Variants in CNKSR3 observed in about 807,000 individuals in gnomAD.
CNKSR3 encodes the protein connector enhancer of kinase suppressor of ras 3.
CNKSR3 carries 36 observed loss-of-function variants against 67.7 expected under a neutral mutation model. The ratio of observed to expected loss-of-function variants is 0.53; its 90% confidence interval spans 0.41 to 0.70. The LOEUF (loss-of-function observed/expected upper bound fraction) is 0.70. Ranked by LOEUF, CNKSR3 falls within the 30% of genes least tolerant of loss-of-function variation. The pLI is 0.00. For missense variants in CNKSR3, 630 were observed against 695.2 expected (o/e 0.91, Z 1.05); for synonymous variants, 281 against 271.4 (o/e 1.04, Z -0.35).
At chr6:154,407,880 A>AAAC (rs1257390031) in intron 12 of CNKSR3, among the ~76,000 whole-genome samples, 1 of 150,834 alleles carries the variant, frequency 6.6e-6, no homozygotes, top group Non-Finnish European at 1.5e-5. Flanking sequence ...TTGAAAAAAA[A>AAAC]AAAAAAAAAA....
At chr6:154,456,124 A>G (rs1023256448) in intron 1 of CNKSR3, among the ~76,000 whole-genome samples, 2 of 152,206 alleles carry the variant, frequency 1.3e-5, no homozygotes, top group African/African-American at 4.8e-5. Flanking sequence ...TGACCACTTT[A>G]GTGGAAAGTG....
At chr6:154,443,143 C>T (rs1785638067) in intron 2 of CNKSR3, among the ~76,000 whole-genome samples, 1 of 147,484 alleles carries the variant, frequency 6.8e-6, no homozygotes, top group Admixed American at 6.6e-5. Flanking sequence ...GGCACAATGC[C>T]CCCCTCGGCC....
rs1785165118 is a variant in CNKSR3 at position 154,422,477 on chromosome 6, G to A, written c.945+29C>T. 4 of 1,604,670 alleles carry A rather than the reference G, an allele frequency of 2.5e-6. No homozygotes were observed. The East Asian group carries it at 6.7e-5, about 27-fold the overall frequency. ...ACTAATGAGATACTCAACATTGTTGGATGGAGGTTTACAGTTAATCCCAGA... is the reference window on the plus strand; with the variant it reads ...ACTAATGAGATACTCAACATTGTTGAATGGAGGTTTACAGTTAATCCCAGA... On this transcript the variant is annotated intron_variant, in intron 9 of 12. Coordinates refer to ENST00000607772, the MANE Select transcript of CNKSR3 (RefSeq NM_173515.4).
chr6:154,450,322 T>C, intron 1 of CNKSR3, 64 bp from the exon 2 acceptor site: 2 of 1,488,060 alleles, frequency 1.3e-6, no homozygotes, highest in Non-Finnish European at 1.9e-6. Context: ...CCCTGCAAAC[T>C]GCCCACATGT....
At chr6:154,410,276 T>C (rs1584050840) in intron 12 of CNKSR3, 67 bp downstream of exon 12, 3 of 1,123,596 alleles carry the variant, frequency 2.7e-6, no homozygotes, top group Non-Finnish European at 4.0e-6. Flanking sequence ...GAAACAGAGG[T>C]GAAACCAGGC....
At chr6:154,451,847 T>C (rs1202688917) in intron 1 of CNKSR3, among the ~76,000 whole-genome samples, 1 of 152,226 alleles carries the variant, frequency 6.6e-6, no homozygotes, top group Non-Finnish European at 1.5e-5. Context: ...TGAAATGACA[T>C]CTGTCTAGCC....
intron 1 of CNKSR3, among the ~76,000 whole-genome samples, chr6:154,482,596 G>T (rs1562353078): frequency 6.6e-6 from 1 of 152,162 alleles, no homozygotes; most frequent in Non-Finnish European, 1.5e-5. Context: ...AAACTGTGCA[G>T]AAATCCATTT....
intron 1 of CNKSR3, chr6:154,478,321 C>T (rs1283490533): frequency 1.3e-5 from 2 of 152,774 alleles, no homozygotes; most frequent in Admixed American, 6.5e-5. Context: ...ACAGCATCAC[C>T]CACACACCTA....
chr6:154,492,609 G>A (rs1348328855), intron 1 of CNKSR3, among the ~76,000 whole-genome samples: 1 of 152,024 alleles, frequency 6.6e-6, no homozygotes, highest in East Asian at 1.9e-4. Context: ...AGCCTGGCGT[G>A]ATGATGCATA....
At chr6:154,477,227 A>G (rs1786470315) in intron 1 of CNKSR3, among the ~76,000 whole-genome samples, 1 of 152,214 alleles carries the variant, frequency 6.6e-6, no homozygotes, top group African/African-American at 2.4e-5. Flanking sequence ...GTAACATTAT[A>G]ACATCATGGC....
chr6:154,504,907 G>A (rs189278221), intron 1 of CNKSR3, among the ~76,000 whole-genome samples: 22 of 151,746 alleles, frequency 1.4e-4, no homozygotes, highest in African/African-American at 4.1e-4. Flanking sequence ...TTAGAACAGC[G>A]TCTGCCAAGA....
At chr6:154,506,239 AAAAG>A (rs1438879619) in intron 1 of CNKSR3, among the ~76,000 whole-genome samples, 1 of 152,214 alleles carries the variant, frequency 6.6e-6, no homozygotes, top group Non-Finnish European at 1.5e-5. Flanking sequence ...AACTTAAAAA[AAAAG>A]AAAGGAAGGG....
At chr6:154,506,838 T>C (rs1303495648) in intron 1 of CNKSR3, among the ~76,000 whole-genome samples, 2 of 152,236 alleles carry the variant, frequency 1.3e-5, no homozygotes, top group East Asian at 1.9e-4. Context: ...GAACTAAAGA[T>C]AGAGAATAAC....
Position 154,510,289 on chromosome 6 carries a change from G to T in CNKSR3, c.-175C>A, listed in dbSNP as rs1787189902. The T allele has an allele frequency of 1.6e-6, 1 of 644,188 alleles. No homozygotes were observed. Among genetic ancestry groups the T allele is most frequent in the African/African-American group, 1.9e-5 (1 of 53,250 alleles). The allele number at this position is 644,188 out of a possible 1,614,324, so 39.9% of individuals were successfully genotyped here. ...GTCGTCCCAGCGCGGCTCCGCCAGG[G>T]GAGCCCGGCCCTCTCCCTCCAGCTG... On this transcript the variant is annotated 5_prime_UTR_variant, in exon 1 of 13. Transcript: ENST00000607772.
intron 1 of CNKSR3, among the ~76,000 whole-genome samples, chr6:154,465,372 C>T (rs922565556): frequency 6.6e-6 from 1 of 152,036 alleles, no homozygotes; most frequent in Non-Finnish European, 1.5e-5. Context: ...TAAAATTACA[C>T]GTATAATTAC....
chr6:154,414,845 C>A, intron 9 of CNKSR3: 2 of 468,726 alleles, frequency 4.3e-6, no homozygotes, highest in South Asian at 3.1e-5. Context: ...GTTACCCCAG[C>A]ACTTTGGGAG....
At position 154,396,979 on chromosome 6, in the gene CNKSR3, T is replaced by C. The variant is rs995937507; in HGVS notation, c.*9375A>G. Reference sequence around the variant, plus strand: ...CACGCCCGGCTAATTTTTTTTTTTTTATATTTTTAGTAGAGACGGGGTTTC... The same window carrying C: ...CACGCCCGGCTAATTTTTTTTTTTTCATATTTTTAGTAGAGACGGGGTTTC... On this transcript the variant is annotated 3_prime_UTR_variant, in exon 13 of 13. Transcript: ENST00000607772. The C allele has an allele frequency of 1.4e-5, 2 of 140,138 alleles. No individual in the cohort carries two copies. Among genetic ancestry groups the C allele is most frequent in the African/African-American group, 5.6e-5 (2 of 35,882 alleles). The allele number at this position is 140,138 out of a possible 1,614,324, so 8.7% of individuals were successfully genotyped here.
chr6:154,462,389 C>T (rs1786099569), intron 1 of CNKSR3, among the ~76,000 whole-genome samples: 1 of 152,198 alleles, frequency 6.6e-6, no homozygotes, highest in South Asian at 2.1e-4. Flanking sequence ...GGATCCTGCA[C>T]ATTTCACATA....
chr6:154,423,105 A>AG, intron 7 of CNKSR3, 122 bp from the exon 8 acceptor site: 1 of 644,284 alleles, frequency 1.6e-6, no homozygotes, highest in Non-Finnish European at 2.7e-6. Flanking sequence ...GGAAAAATAA[A>AG]ACAATGCACT....
Sources: allele counts gnomAD v4.1 joint callset (sites outside exome capture counted in the v4.1 genomes callset), GRCh38; gene constraint gnomAD v4.1.1; transcripts MANE v1.5; gene names NCBI Gene and HGNC (gene_info 2026-07-23, HGNC 2026-07-21).